The following AKR7A3 variants were observed in gnomAD, a reference collection of about 807,000 sequenced individuals.
AKR7A3 encodes AFB1 aldehyde reductase 2.
AKR7A3 carries 37 observed loss-of-function variants against 32.5 expected under a neutral mutation model. The ratio of observed to expected loss-of-function variants is 1.14; its 90% confidence interval spans 0.88 to 1.50. AKR7A3 has a LOEUF of 1.50. AKR7A3 is among the 40% of genes most tolerant of loss of function. AKR7A3 has a pLI of 0.00. For missense variants in AKR7A3, 412 were observed against 453.2 expected (o/e 0.91, Z 0.83); for synonymous variants, 177 against 188.4 (o/e 0.94, Z 0.50).
In AKR7A3 at chr1:19,288,401, G is replaced by T. The variant is rs993629308; in HGVS notation, c.214+95C>A. 2.8e-5 allele frequency: 41 copies of T among 1,450,386 alleles called. No homozygotes were observed. The Admixed American group carries it at 3.4e-4, about 12-fold the overall frequency. 89.8% of individuals were successfully genotyped at this position (1,450,386 alleles called of 1,614,324 possible). ...GGCGGTGGGGGGGACAAAACTTTGGGTGCTGCCCCGGGGCCAGGGAGAGCG... is the reference window on the plus strand; with the variant it reads ...GGCGGTGGGGGGGACAAAACTTTGGTTGCTGCCCCGGGGCCAGGGAGAGCG... On this transcript the variant is annotated intron_variant, in intron 1 of 6. Coordinates refer to ENST00000361640, the MANE Select transcript of AKR7A3 (RefSeq NM_012067.3).
the AKR7A3 span, among the ~76,000 whole-genome samples, chr1:19,276,524 G>A: frequency 2.0e-5 from 3 of 150,762 alleles, no homozygotes; most frequent in Admixed American, 6.6e-5. Flanking sequence ...AAAAGAGGCC[G>A]GGCATGGTGG....
downstream of AKR7A3, among the ~76,000 whole-genome samples, chr1:19,278,590 C>A (rs117655058): frequency 0.028 from 4,216 of 151,508 alleles, 73 homozygotes; most frequent in South Asian, 0.053. Flanking sequence ...AAAACAAAAA[C>A]AAAAACAAAA....
At chr1:19,274,753 C>T in the AKR7A3 span, among the ~76,000 whole-genome samples, 1 of 150,456 alleles carries the variant, frequency 6.6e-6, no homozygotes, top group East Asian at 1.9e-4. Flanking sequence ...TGAATCCAGC[C>T]TGGGCAACAT....
Position 19,282,575 on chromosome 1 carries a change from G to A in AKR7A3, c.*156C>T. The A allele has an allele frequency of 8.1e-7, 1 of 1,240,070 alleles. No individual in the cohort carries two copies. The highest frequency in any genetic ancestry group is 1.1e-6 in the Non-Finnish European group (1 of 878,808). The allele number at this position is 1,240,070 out of a possible 1,614,324, so 76.8% of individuals were successfully genotyped here. A position where few individuals can be genotyped will look rare whatever the true frequency, so the allele number is the denominator to read the frequency against. ...AAACAGACTAACACACAGCACCCTG[G>A]GAGTTTTATTCTTCATTTGGTGGTG... On this transcript the variant is annotated 3_prime_UTR_variant, in exon 7 of 7. Transcript: ENST00000361640.
chr1:19,276,609 C>T, the AKR7A3 span, among the ~76,000 whole-genome samples: 1 of 150,934 alleles, frequency 6.6e-6, no homozygotes, highest in South Asian at 2.1e-4. Flanking sequence ...CCAGATCAGC[C>T]TGGTCAACAT....
At position 19,286,862 on chromosome 1, in the gene AKR7A3, T is replaced by C. The variant is rs542584499; in HGVS notation, c.215-490A>G. ...GAGCAGGTTTGAGGAACTATTCATATGGAATTTTTCCATTCCACCACCACC... is the reference window on the plus strand; with the variant it reads ...GAGCAGGTTTGAGGAACTATTCATACGGAATTTTTCCATTCCACCACCACC... On this transcript the variant is annotated intron_variant, in intron 1 of 6. Transcript: ENST00000361640. Among the ~76,000 whole-genome samples the C allele has an allele frequency of 3.3e-5, 5 of 151,938 alleles. 1 individual carries two copies. The highest frequency in any genetic ancestry group is 9.7e-5 in the African/African-American group (4 of 41,228).
the AKR7A3 span, among the ~76,000 whole-genome samples, chr1:19,276,068 G>T: frequency 6.6e-6 from 1 of 151,798 alleles, no homozygotes; most frequent in Admixed American, 6.6e-5. Flanking sequence ...TAAAGGTATA[G>T]AAGACTTGAA....
Position 19,284,066 on chromosome 1 carries a change from G to A in AKR7A3, c.764C>T (p.Ala255Val), listed in dbSNP as rs145872076. ...IALVEKALQA[A>V]YGASAPSMTS... ...CATGCTGGGGGCGCTGGCGCCATAC[G>A]CGGCCTGCAGGGCCTTCTCCACCAG... Residue 255 changes from alanine to valine, a missense_variant, in exon 6 of 7, where the codon GCG (alanine) becomes GTG (valine). By Grantham distance (64) the Ala-to-Val change is moderately conservative. Transcript: ENST00000361640. 6.9e-5 allele frequency: 111 copies of A among 1,613,688 alleles called. 1 individual carries two copies. The highest frequency in any genetic ancestry group is 6.5e-4 in the African/African-American group (49 of 74,844).
chr1:19,287,252 G>A (rs1207822314), intron 1 of AKR7A3, among the ~76,000 whole-genome samples: 2 of 149,742 alleles, frequency 1.3e-5, no homozygotes, highest in Non-Finnish European at 2.9e-5. Context: ...AAGCTGCAAT[G>A]AGCCCTATCG....
At chr1:19,274,899 C>CAAAAAAAAAA in the AKR7A3 span, among the ~76,000 whole-genome samples, 7 of 44,286 alleles carry the variant, frequency 1.6e-4, 2 homozygotes, top group South Asian at 4.3e-3. Context: ...TCTCTAAATA[C>CAAAAAAAAAA]AAAAAAAAAA....
At position 19,283,889 on chromosome 1, in the gene AKR7A3, AAG is replaced by A; in HGVS notation, c.834+105_834+106del. 2.6e-6 allele frequency: 4 copies of A among 1,550,434 alleles called. No homozygotes were observed. In the South Asian group the frequency reaches 3.6e-5, roughly 14 times the overall value. On this transcript the variant is annotated intron_variant, in intron 6 of 6. Transcript: ENST00000361640. ...AAGAATGTTTGTGAGAGTTGAAAGA[AAG>A]AGAAATTTCAGAGGAATCGATAAAC...
At chr1:19,281,946 G>A (rs1774082), downstream of AKR7A3, among the ~76,000 whole-genome samples, 5,232 of 151,938 alleles carry the variant, frequency 0.034, 434 homozygotes, top group African/African-American at 0.12. Flanking sequence ...CCACTGTATC[G>A]TGGAAGCAAA....
the AKR7A3 span, among the ~76,000 whole-genome samples, chr1:19,276,376 A>AG: frequency 2.0e-5 from 3 of 151,100 alleles, no homozygotes; most frequent in East Asian, 5.8e-4. Flanking sequence ...AAAAAAAAAA[A>AG]AGACTTGAAC....
chr1:19,284,849 G>C, intron 4 of AKR7A3, 64 bp from the exon 5 acceptor site: 2 of 1,585,892 alleles, frequency 1.3e-6, no homozygotes, highest in South Asian at 2.2e-5. Context: ...CATCCCTCAG[G>C]GCTCTGGTCT....
chr1:19,283,918 A>G (rs2093723318), intron 6 of AKR7A3, 78 bp downstream of exon 6: 9 of 1,591,794 alleles, frequency 5.7e-6, no homozygotes, highest in Non-Finnish European at 6.8e-6. Flanking sequence ...TCGATAAACA[A>G]ATGTTTCAGC....
At chr1:19,285,404 C>G (rs983373644) in intron 3 of AKR7A3, among the ~76,000 whole-genome samples, 2 of 151,802 alleles carry the variant, frequency 1.3e-5, no homozygotes, top group Admixed American at 1.3e-4. Context: ...CAAGTATAAA[C>G]AGTTATAATC....
chr1:19,279,968 T>C (rs1415676979), downstream of AKR7A3, among the ~76,000 whole-genome samples: 6 of 150,212 alleles, frequency 4.0e-5, 1 homozygote, highest in African/African-American at 1.5e-4. Context: ...AGTGTGAGTG[T>C]ATTTTATGTG....
At chr1:19,278,452 T>C (rs1248989339), downstream of AKR7A3, among the ~76,000 whole-genome samples, 3 of 151,774 alleles carry the variant, frequency 2.0e-5, no homozygotes, top group South Asian at 6.2e-4. Context: ...TCCCACCTAC[T>C]TGGGAGGCTG....
intron 1 of AKR7A3, 27 bp downstream of exon 1, chr1:19,288,469 A>AGG (rs759928916): frequency 8.7e-6 from 14 of 1,606,578 alleles, no homozygotes; most frequent in Non-Finnish European, 1.2e-5. Flanking sequence ...TGCACCGTGC[A>AGG]GGGGGAGGAT....
Sources: allele counts gnomAD v4.1 joint callset (sites outside exome capture counted in the v4.1 genomes callset), GRCh38; gene constraint gnomAD v4.1.1; transcripts MANE v1.5; gene names NCBI Gene and HGNC (gene_info 2026-07-23, HGNC 2026-07-21).